Variants in HEATR5B observed in about 807,000 individuals in gnomAD.
HEATR5B encodes HEAT repeat containing 5B.
In HEATR5B, 156 loss-of-function variants were observed where a neutral mutation model predicts 224.1. That is an observed-to-expected ratio of 0.70 (90% CI 0.61 to 0.80). The LOEUF is 0.80. HEATR5B is among the 30% of genes least tolerant of loss of function. The pLI, the probability that HEATR5B is intolerant of heterozygous loss-of-function variation, is 0.00. For synonymous variants in HEATR5B, 1,027 were observed against 893.0 expected (o/e 1.15, Z -2.68); for missense variants, 2,323 against 2,535.5 (o/e 0.92, Z 1.80).
In HEATR5B at chr2:37,072,113, T is replaced by C. The variant is rs1442835891; in HGVS notation, c.766A>G (p.Thr256Ala). The C allele has an allele frequency of 6.2e-7, 1 of 1,612,126 alleles. No individual in the cohort carries two copies. Among genetic ancestry groups the C allele is most frequent in the South Asian group, 1.1e-5 (1 of 90,804 alleles). The change falls in exon 6 of 36, where the codon ACA becomes GCA. Residue 256 changes from threonine to alanine, a missense_variant. Physicochemically the swap from Thr to Ala is moderately conservative, Grantham distance 58 (BLOSUM62 0). Around this residue, in one of 12 missense-constraint regions of HEATR5B, gnomAD observed 292 missense variants for 332.6 expected, o/e 0.88. Coordinates refer to ENST00000233099, the MANE Select transcript of HEATR5B (RefSeq NM_019024.3). Reference protein sequence around the residue: ...MATALMPKQATVMRQNVKRAT... With the variant: ...MATALMPKQAAVMRQNVKRAT... The stretch of plus-strand genomic sequence containing the variant: ...AATCAAGGGCAAACAACAATACCTG[T>C]TGCCTGTTTTGGCATTAATGCTGTG...
intron 34 of HEATR5B, among the ~76,000 whole-genome samples, chr2:36,989,569 A>C (rs1308666343): frequency 3.3e-5 from 5 of 152,262 alleles, no homozygotes; most frequent in African/African-American, 1.2e-4. Flanking sequence ...TCTCAAAACC[A>C]CTTGATTCCC....
At chr2:37,007,389 G>T in intron 28 of HEATR5B, 85 bp from the exon 29 acceptor site, 2 of 1,395,790 alleles carry the variant, frequency 1.4e-6, no homozygotes, top group Non-Finnish European at 1.9e-6. Context: ...TGTCGCCCAG[G>T]CTGGAGTGCA....
chr2:37,046,222 C>G (rs1572880691), intron 18 of HEATR5B, among the ~76,000 whole-genome samples: 1 of 152,196 alleles, frequency 6.6e-6, no homozygotes, highest in Admixed American at 6.5e-5. Flanking sequence ...GAACAAAATA[C>G]TACTAGGAAC....
At chr2:36,999,587 G>A (rs1666952830) in intron 33 of HEATR5B, among the ~76,000 whole-genome samples, 1 of 151,892 alleles carries the variant, frequency 6.6e-6, no homozygotes, top group Non-Finnish European at 1.5e-5. Flanking sequence ...GCTGAGGCAT[G>A]AGAATCACTT....
intron 24 of HEATR5B, among the ~76,000 whole-genome samples, chr2:37,022,700 AATAAGAT>A (rs755792519): frequency 2.6e-5 from 4 of 152,240 alleles, no homozygotes; most frequent in African/African-American, 4.8e-5. Context: ...CGACCTTTAT[AATAAGAT>A]ATGGAAAAGG....
In HEATR5B at chr2:37,075,538, C is replaced by CAT; in HGVS notation, c.542_543dup (p.Ala182MetfsTer6). On this transcript the variant is annotated frameshift_variant, in exon 5 of 36. Coordinates refer to ENST00000233099, the MANE Select transcript of HEATR5B (RefSeq NM_019024.3). LOFTEE classifies it high-confidence loss of function. ...GACCTATCAGTCAAGAGAGACCTGG[C>CAT]ATTCTTGTAAATATCACGATGGGAG... 6.2e-7 allele frequency: 1 copy of CAT among 1,614,070 alleles called. No individual in the cohort carries two copies. The highest frequency in any genetic ancestry group is 8.5e-7 in the Non-Finnish European group (1 of 1,179,968).
rs777424330 is a variant in HEATR5B, at chr2:37,028,823, A to G, written c.3459T>C (p.Leu1153=). Residue 1153 remains leucine, a synonymous_variant, in exon 23 of 36, where the codon CTT becomes CTC. Coordinates refer to ENST00000233099, the MANE Select transcript of HEATR5B (RefSeq NM_019024.3). The stretch of plus-strand genomic sequence containing the variant: ...CTGTCTCCCGGTCTAGCATTCCAAA[A>G]AGAAGTCCCTCAAGACCAGTTTCTG... The part of the protein sequence containing the change: ...NITETGLEGL[L]FGMLDRETDR... The G allele has an allele frequency of 3.1e-6, 5 of 1,614,150 alleles. No homozygotes were observed. The highest frequency in any genetic ancestry group is 3.4e-6 in the Non-Finnish European group (4 of 1,180,012).
Position 37,020,640 on chromosome 2 carries a change from A to C in HEATR5B, c.4035+15T>G. The C allele has an allele frequency of 1.3e-6, 2 of 1,511,012 alleles. No homozygotes were observed. Among genetic ancestry groups the C allele is most frequent in the African/African-American group, 2.8e-5 (2 of 70,858 alleles). The allele number at this position is 1,511,012 out of a possible 1,614,324, so 93.6% of individuals were successfully genotyped here. A position where few individuals can be genotyped will look rare whatever the true frequency, so the allele number is the denominator to read the frequency against. On this transcript the variant is annotated intron_variant, in intron 25 of 35. Transcript: ENST00000233099. ...AAGATCAATTTTAAGTTCTTAAATA[A>C]ATAGAAAATCTCACATTAGCCTGAT...
At chr2:37,049,898 ATT>A in intron 17 of HEATR5B, 55 bp from the exon 18 acceptor site, 3 of 1,093,200 alleles carry the variant, frequency 2.7e-6, no homozygotes, top group Non-Finnish European at 3.6e-6. Context: ...CATTATTATT[ATT>A]TTTTTTTTAA....
At chr2:36,993,228 C>A (rs1167050852) in intron 33 of HEATR5B, among the ~76,000 whole-genome samples, 4 of 151,670 alleles carry the variant, frequency 2.6e-5, no homozygotes, top group African/African-American at 7.3e-5. Context: ...AAGGGACCCA[C>A]TGAATTAAAA....
At chr2:37,040,954 A>G in intron 19 of HEATR5B, 179 bp downstream of exon 19, 1 of 539,428 alleles carries the variant, frequency 1.9e-6, no homozygotes, top group Non-Finnish European at 3.2e-6. Flanking sequence ...TAAAATTCTC[A>G]GAATAAGACA....
In HEATR5B at chr2:37,002,619, T is replaced by C. The variant is rs755081888; in HGVS notation, c.5051-47A>G. 7.0e-6 allele frequency: 11 copies of C among 1,581,634 alleles called. No individual in the cohort carries two copies. The Middle Eastern group carries it at 8.4e-4, about 121-fold the overall frequency. ...TGAAATTTCCAGCCAAAAAAAAGTA[T>C]GTAAAACAACACAAGTATATTTAGG... On this transcript the variant is annotated intron_variant, in intron 31 of 35. Transcript: ENST00000233099.
chr2:36,989,178 C>G (rs753246330), intron 34 of HEATR5B, among the ~76,000 whole-genome samples: 8 of 152,116 alleles, frequency 5.3e-5, no homozygotes, highest in African/African-American at 1.7e-4. Flanking sequence ...CTCTGCCTCC[C>G]GGGTTCAAGC....
chr2:37,026,285 C>T (rs1420235278), intron 24 of HEATR5B, among the ~76,000 whole-genome samples: 1 of 152,066 alleles, frequency 6.6e-6, no homozygotes, highest in African/African-American at 2.4e-5. Flanking sequence ...GGAACACAGC[C>T]CTGCTGATGC....
chr2:36,995,178 C>T, intron 33 of HEATR5B, among the ~76,000 whole-genome samples: 1 of 147,210 alleles, frequency 6.8e-6, no homozygotes, highest in Non-Finnish European at 1.5e-5. Flanking sequence ...CAACCTCTGC[C>T]TCCTGGGTTC....
intron 3 of HEATR5B, among the ~76,000 whole-genome samples, chr2:37,077,549 C>G (rs913154720): frequency 1.3e-5 from 2 of 152,218 alleles, no homozygotes; most frequent in African/African-American, 4.8e-5. Context: ...CTCAGGTGAT[C>G]CGCCTGCCTC....
Position 37,002,382 on chromosome 2 carries a change from T to G in HEATR5B, c.5241A>C (p.Leu1747=), listed in dbSNP as rs760734297. Residue 1747 remains leucine (L), a synonymous_variant, in exon 32 of 36, where the codon CTA becomes CTC. Coordinates refer to ENST00000233099, the MANE Select transcript of HEATR5B (RefSeq NM_019024.3). ...CCACCAAACGAGCACTTTCTTCTGATAGTCGAGTTTTAGTGGCTATGTGAC... is the reference window on the plus strand; with the variant it reads ...CCACCAAACGAGCACTTTCTTCTGAGAGTCGAGTTTTAGTGGCTATGTGAC... ...SPSHIATKTR[L]SEESARLVAA... 1.2e-6 allele frequency: 2 copies of G among 1,614,218 alleles called. No individual in the cohort carries two copies. Among genetic ancestry groups the G allele is most frequent in the South Asian group, 1.1e-5 (1 of 91,088 alleles).
rs1167987642 is a variant in HEATR5B at position 37,072,098 on chromosome 2, AAAC to A, written c.769+9_769+11del. 3 of 1,604,254 alleles carry A rather than the reference AAAC, an allele frequency of 1.9e-6. No homozygotes were observed. The highest frequency in any genetic ancestry group is 3.4e-5 in the Admixed American group (2 of 59,332). On this transcript the variant is annotated intron_variant, in intron 6 of 35. Coordinates refer to ENST00000233099, the MANE Select transcript of HEATR5B (RefSeq NM_019024.3). ...GTCTGTTATGGTCTAAATCAAGGGC[AAAC>A]AACAATACCTGTTGCCTGTTTTGGC...
intron 17 of HEATR5B, among the ~76,000 whole-genome samples, chr2:37,052,126 T>C (rs1423671660): frequency 6.6e-6 from 1 of 152,238 alleles, no homozygotes; most frequent in Non-Finnish European, 1.5e-5. Flanking sequence ...ACCTAAGACA[T>C]GTTCATGCAA....
Sources: gnomAD v4.1 joint callset for allele counts (sites outside exome capture counted in the v4.1 genomes callset) on GRCh38, gnomAD v4.1.1 for gene constraint, gnomAD v4.1.1 regional missense constraint, MANE v1.5 for transcripts, NCBI Gene and HGNC (gene_info 2026-07-23, HGNC 2026-07-21) for gene names.